SMCO4: variants seen among roughly 807,000 people sequenced by gnomAD.
SMCO4 encodes single-pass membrane and coiled-coil domain-containing protein 4.
SMCO4 carries 4 observed loss-of-function variants against 3.6 expected under a neutral mutation model. That is an observed-to-expected ratio of 1.11 (90% confidence interval 0.54 to 2.53). SMCO4 has a LOEUF of 2.53. Ranked by LOEUF, SMCO4 falls within the 30% of genes most tolerant of loss-of-function variation. SMCO4 has a pLI of 0.02. For missense variants in SMCO4, 70 were observed against 80.8 expected, an observed-to-expected ratio of 0.87 and a Z score of 0.51; for synonymous variants, 36 against 35.3, an observed-to-expected ratio of 1.02 and a Z score of -0.07.
At chr11:93,521,768 A>G (rs1012311339) in intron 1 of SMCO4, among the ~76,000 whole-genome samples, 1 of 152,238 alleles carries the variant, frequency 6.6e-6, no homozygotes, top group Non-Finnish European at 1.5e-5. Context: ...CCAATCAGCT[A>G]AGTACTCAGT....
chr11:93,530,909 A>G (rs1396499402), intron 1 of SMCO4, among the ~76,000 whole-genome samples: 1 of 152,182 alleles, frequency 6.6e-6, no homozygotes, highest in Non-Finnish European at 1.5e-5. Context: ...TACCACCTGG[A>G]CAGAACAGAG....
At chr11:93,517,963 C>T (rs1949023027) in intron 1 of SMCO4, among the ~76,000 whole-genome samples, 1 of 152,190 alleles carries the variant, frequency 6.6e-6, no homozygotes, top group Admixed American at 6.5e-5. Flanking sequence ...ATGCATATAA[C>T]ATATATCAGA....
intron 2 of SMCO4, among the ~76,000 whole-genome samples, chr11:93,490,437 C>A (rs899152134): frequency 3.3e-5 from 5 of 152,164 alleles, no homozygotes; most frequent in African/African-American, 1.2e-4. Flanking sequence ...ATAACGGCAG[C>A]ACATGCAACA....
rs1427048166 is a variant in SMCO4 at position 93,528,559 on chromosome 11, T to A, written c.-154+14717A>T. 2.6e-5 allele frequency among the ~76,000 whole-genome samples: 4 copies of A among 152,208 alleles called. No individual in the cohort carries two copies. The East Asian group carries it at 7.7e-4, about 29-fold the overall frequency. On this transcript the variant is annotated intron_variant, in intron 1 of 2. Coordinates refer to ENST00000298966, the MANE Select transcript of SMCO4 (RefSeq NM_020179.3). ...GAGTTCTGGGGAAGCCCTGTATTTA[T>A]CAGGCTGGCTGGGATAAAAAGTTCA...
chr11:93,514,325 G>T (rs1018368140), intron 1 of SMCO4, among the ~76,000 whole-genome samples: 1 of 145,924 alleles, frequency 6.9e-6, no homozygotes, highest in Admixed American at 7.2e-5. Flanking sequence ...ACATTAAGCA[G>T]ATCTGGGAAG....
chr11:93,541,280 C>T (rs1362521199), intron 1 of SMCO4, among the ~76,000 whole-genome samples: 1 of 152,122 alleles, frequency 6.6e-6, no homozygotes, highest in Non-Finnish European at 1.5e-5. Flanking sequence ...GTGGAGGGGA[C>T]ACAGATGATT....
intron 1 of SMCO4, among the ~76,000 whole-genome samples, chr11:93,501,738 C>T (rs1948840448): frequency 6.6e-6 from 1 of 152,140 alleles, no homozygotes; most frequent in Non-Finnish European, 1.5e-5. Context: ...AATCTAAGCA[C>T]ATCTTTGGGG....
At chr11:93,488,982 G>A (rs1591305005) in intron 2 of SMCO4, among the ~76,000 whole-genome samples, 2 of 152,310 alleles carry the variant, frequency 1.3e-5, no homozygotes, top group African/African-American at 2.4e-5. Flanking sequence ...CTGGCCACAT[G>A]CAGGTCCTCT....
At chr11:93,551,350 G>A in the SMCO4 span, among the ~76,000 whole-genome samples, 1 of 152,108 alleles carries the variant, frequency 6.6e-6, no homozygotes, top group African/African-American at 2.4e-5. Flanking sequence ...GGAACCTCCT[G>A]GGGACGTGGT....
chr11:93,524,613 C>A (rs1028161484), intron 1 of SMCO4, among the ~76,000 whole-genome samples: 1 of 152,128 alleles, frequency 6.6e-6, no homozygotes, highest in Non-Finnish European at 1.5e-5. Flanking sequence ...AGCATTACTG[C>A]CAGGCCCCTG....
chr11:93,491,333 G>A (rs1371051826), intron 2 of SMCO4, among the ~76,000 whole-genome samples: 1 of 152,196 alleles, frequency 6.6e-6, no homozygotes, highest in Non-Finnish European at 1.5e-5. Flanking sequence ...CCATGTTAGG[G>A]CATGGCCAGG....
chr11:93,534,884 G>A lies in SMCO4; in HGVS notation c.-154+8392C>T, dbSNP rs183362745. ...CTCAAACACCTTCTAAGAAGTCATC[G>A]CTTCTCCCCAGAGCATCCTGCTAAG... On this transcript the variant is annotated intron_variant, in intron 1 of 2. Coordinates refer to ENST00000298966, the MANE Select transcript of SMCO4 (RefSeq NM_020179.3). Among the ~76,000 whole-genome samples the A allele has an allele frequency of 7.0e-4, 106 of 152,188 alleles. 2 individuals carry two copies. Among genetic ancestry groups the A allele is most frequent in the African/African-American group, 2.0e-3 (84 of 41,532 alleles).
intron 1 of SMCO4, among the ~76,000 whole-genome samples, chr11:93,526,001 C>A (rs1323303840): frequency 1.3e-5 from 2 of 152,176 alleles, no homozygotes; most frequent in African/African-American, 2.4e-5. Context: ...TGACTATCCC[C>A]AATAATCCAT....
upstream of SMCO4, among the ~76,000 whole-genome samples, chr11:93,546,840 T>A (rs556296912): frequency 1.3e-5 from 2 of 152,346 alleles, no homozygotes; most frequent in Non-Finnish European, 2.9e-5. Flanking sequence ...GAGATATTGG[T>A]ACTGTTCTGC....
Position 93,511,168 on chromosome 11 carries a change from T to G in SMCO4, c.-153-11820A>C, listed in dbSNP as rs117420082. 9.4e-3 allele frequency among the ~76,000 whole-genome samples: 1,420 copies of G among 150,612 alleles called. 11 individuals are homozygous for G. Among genetic ancestry groups the G allele is most frequent in the Middle Eastern group, 0.017 (5 of 294 alleles). ...ACCCACAGAAATAAACATGTCCAAT[T>G]AAAAAAAAATGCTTTCTAGAAAGGT... On this transcript the variant is annotated intron_variant, in intron 1 of 2. Coordinates refer to ENST00000298966, the MANE Select transcript of SMCO4 (RefSeq NM_020179.3).
chr11:93,512,257 A>G (rs1948964347), intron 1 of SMCO4, among the ~76,000 whole-genome samples: 1 of 152,202 alleles, frequency 6.6e-6, no homozygotes, highest in African/African-American at 2.4e-5. Flanking sequence ...GACTGCATAT[A>G]TGACAGCAGT....
At chr11:93,535,621 G>C in intron 1 of SMCO4, 3 of 1,577,318 alleles carry the variant, frequency 1.9e-6, no homozygotes, top group Non-Finnish European at 2.6e-6. Flanking sequence ...CTTTGAGCCT[G>C]CAGACAACAA....
intron 1 of SMCO4, among the ~76,000 whole-genome samples, chr11:93,543,069 C>T (rs1324158678): frequency 6.6e-5 from 10 of 151,836 alleles, no homozygotes; most frequent in Non-Finnish European, 1.5e-4. Context: ...CCCTCGGGCC[C>T]CCAACCCCGC....
chr11:93,485,566 A>T (rs1948639022), intron 2 of SMCO4, among the ~76,000 whole-genome samples: 1 of 152,126 alleles, frequency 6.6e-6, no homozygotes, highest in Admixed American at 6.5e-5. Context: ...TGCAGCACTG[A>T]CTGGCAGCTA....
Sources: allele counts gnomAD v4.1 joint callset (sites outside exome capture counted in the v4.1 genomes callset), GRCh38; gene constraint gnomAD v4.1.1; transcripts MANE v1.5; gene names NCBI Gene and HGNC (gene_info 2026-07-23, HGNC 2026-07-21).